Variants in BRINP1 observed in about 807,000 individuals in gnomAD.
The protein encoded by BRINP1 is BMP/retinoic acid-inducible neural-specific protein 1.
In BRINP1, 17 loss-of-function variants were observed where a neutral mutation model predicts 72.9. That is an observed-to-expected ratio of 0.23 (90% confidence interval 0.16 to 0.35). The LOEUF (loss-of-function observed/expected upper bound fraction) is 0.35. Ranked by LOEUF, BRINP1 falls within the 10% of genes least tolerant of loss-of-function variation. The probability of loss-of-function intolerance (pLI) is 1.00; values close to 1 mark genes in which losing one functional copy is unlikely to be tolerated. For missense variants in BRINP1, 850 were observed against 1,001.6 expected (o/e 0.85, Z 2.04); for synonymous variants, 418 against 378.5 (o/e 1.10, Z -1.21).
chr9:119,345,023 T>C (rs1393262848), intron 1 of BRINP1, among the ~76,000 whole-genome samples: 5 of 152,208 alleles, frequency 3.3e-5, no homozygotes, highest in Non-Finnish European at 7.3e-5. Context: ...AGAATGCATG[T>C]AACATCTTGA....
intron 5 of BRINP1, among the ~76,000 whole-genome samples, chr9:119,216,087 C>T (rs770839234): frequency 8.5e-5 from 13 of 152,088 alleles, no homozygotes; most frequent in African/African-American, 2.2e-4. Flanking sequence ...GATGTGATGA[C>T]GATGACGATA....
At chr9:119,326,101 T>C (rs1831237350) in intron 1 of BRINP1, among the ~76,000 whole-genome samples, 1 of 152,170 alleles carries the variant, frequency 6.6e-6, no homozygotes, top group South Asian at 2.1e-4. Flanking sequence ...CACAGAACAA[T>C]CCCATAAGAC....
intron 6 of BRINP1, among the ~76,000 whole-genome samples, chr9:119,211,031 G>T (rs2118873794): frequency 6.6e-6 from 1 of 152,264 alleles, no homozygotes; most frequent in East Asian, 1.9e-4. Flanking sequence ...GGGACAGCTA[G>T]ACTCTCCTCT....
At chr9:119,350,463 G>A (rs773305934) in intron 1 of BRINP1, among the ~76,000 whole-genome samples, 4 of 152,068 alleles carry the variant, frequency 2.6e-5, no homozygotes, top group African/African-American at 9.7e-5. Flanking sequence ...TTCTCCTACA[G>A]CTCATACAGT....
Position 119,300,047 on chromosome 9 carries a change from T to G in BRINP1, c.218+13091A>C, listed in dbSNP as rs528096580. ...CCACAGTACCGCCTTCCTCAGTGAT[T>G]CGTTTCACACCCCACTTCACAAAGA... On this transcript the variant is annotated intron_variant, in intron 2 of 7. Coordinates refer to ENST00000265922, the MANE Select transcript of BRINP1 (RefSeq NM_014618.3). 1.0e-3 allele frequency among the ~76,000 whole-genome samples: 152 copies of G among 152,306 alleles called. No homozygotes were observed. The East Asian group carries it at 0.026, about 27-fold the overall frequency.
At chr9:119,323,871 A>G (rs1463965437) in intron 1 of BRINP1, among the ~76,000 whole-genome samples, 1 of 152,192 alleles carries the variant, frequency 6.6e-6, no homozygotes, top group African/African-American at 2.4e-5. Flanking sequence ...TCCACTTTAA[A>G]TAAAATATTT....
At chr9:119,276,467 A>G (rs1026530605) in intron 2 of BRINP1, among the ~76,000 whole-genome samples, 14 of 152,334 alleles carry the variant, frequency 9.2e-5, no homozygotes, top group African/African-American at 3.1e-4. Flanking sequence ...TCTTTTAACA[A>G]AATCTCCTTA....
chr9:119,321,543 A>G (rs1208222208), intron 1 of BRINP1, among the ~76,000 whole-genome samples: 2 of 152,092 alleles, frequency 1.3e-5, no homozygotes, highest in East Asian at 1.9e-4. Context: ...CCCAGGCTGG[A>G]GTGCCGTGGC....
intron 1 of BRINP1, among the ~76,000 whole-genome samples, chr9:119,336,234 G>C (rs1021076111): frequency 1.3e-5 from 2 of 152,146 alleles, no homozygotes; most frequent in African/African-American, 2.4e-5. Context: ...ATCAAGGCTT[G>C]CCCAAGGTCC....
In BRINP1 at chr9:119,297,836, A is replaced by AT. The variant is rs56394431; in HGVS notation, c.218+15301_218+15302insA. ...TTTCTAATAATTAATAATAATAATA[A>AT]AATAATAACAAATGCAGGTTGAGCT... is the stretch of plus-strand genomic sequence containing the variant. On this transcript the variant is annotated intron_variant, in intron 2 of 7. Coordinates refer to ENST00000265922, the MANE Select transcript of BRINP1 (RefSeq NM_014618.3). Among the ~76,000 whole-genome samples, 173 of 151,628 alleles carry AT rather than the reference A, an allele frequency of 1.1e-3. 2 individuals carry two copies. Among genetic ancestry groups the AT allele is most frequent in the African/African-American group, 3.6e-3 (149 of 41,512 alleles).
intron 2 of BRINP1, among the ~76,000 whole-genome samples, chr9:119,278,275 C>G (rs563523737): frequency 7.9e-5 from 12 of 152,314 alleles, no homozygotes; most frequent in African/African-American, 2.9e-4. Context: ...CCCTGCCTCT[C>G]TCCCACAGCC....
At chr9:119,257,474 T>C (rs917401700) in intron 2 of BRINP1, among the ~76,000 whole-genome samples, 2 of 152,214 alleles carry the variant, frequency 1.3e-5, no homozygotes, top group Non-Finnish European at 2.9e-5. Context: ...ATAATGACAT[T>C]GAACCCCGAA....
intron 1 of BRINP1, among the ~76,000 whole-genome samples, chr9:119,315,968 G>C (rs1480410281): frequency 1.3e-5 from 2 of 152,194 alleles, no homozygotes; most frequent in Admixed American, 6.5e-5. Flanking sequence ...AAAGAAAGAA[G>C]CCATCTCTGT....
At chr9:119,181,596 T>C (rs902678931) in intron 7 of BRINP1, among the ~76,000 whole-genome samples, 2 of 152,212 alleles carry the variant, frequency 1.3e-5, no homozygotes, top group African/African-American at 4.8e-5. Context: ...CTAACCATGA[T>C]TGTTACTGAG....
At chr9:119,338,419 T>C (rs1461844282) in intron 1 of BRINP1, among the ~76,000 whole-genome samples, 1 of 151,970 alleles carries the variant, frequency 6.6e-6, no homozygotes, top group Admixed American at 6.6e-5. Context: ...TGGGTACTTG[T>C]TGAAAGATGC....
At chr9:119,238,071 T>G (rs1358454623) in intron 5 of BRINP1, among the ~76,000 whole-genome samples, 1 of 152,220 alleles carries the variant, frequency 6.6e-6, no homozygotes, top group African/African-American at 2.4e-5. Context: ...AAATTCTTTA[T>G]AAACATCAGT....
At position 119,184,084 on chromosome 9, in the gene BRINP1, G is replaced by A. The variant is rs372680220; in HGVS notation, c.1146-15860C>T. On this transcript the variant is annotated intron_variant, in intron 7 of 7. Coordinates refer to ENST00000265922, the MANE Select transcript of BRINP1 (RefSeq NM_014618.3). ...CAGGAAGCTACTTCCGAGCCACAGG[G>A]GGGGAGAAAAAAAGAAAAAACCAAA... Among the ~76,000 whole-genome samples, 10 of 152,212 alleles carry A rather than the reference G, an allele frequency of 6.6e-5. No individual in the cohort carries two copies. The South Asian group carries it at 2.1e-3, about 32-fold the overall frequency.
intron 1 of BRINP1, among the ~76,000 whole-genome samples, chr9:119,355,936 T>G (rs1831560228): frequency 6.6e-6 from 1 of 152,190 alleles, no homozygotes; most frequent in African/African-American, 2.4e-5. Context: ...GGACACTTTT[T>G]TTTTCCTCAA....
rs1161730044 is a variant in BRINP1, at chr9:119,167,981, T to G, written c.1389A>C (p.Pro463=). 6.2e-7 allele frequency: 1 copy of G among 1,614,202 alleles called. No individual in the cohort carries two copies. The highest frequency in any genetic ancestry group is 1.3e-5 in the African/African-American group (1 of 75,042). ...CGCTCCGCTCCGAGTCCACGTTCTG[T>G]GGTTCACAGCGGCCTCGATACAGCT... The part of the protein sequence containing the change: ...GYKLYRGRCE[P]QNVDSERSEQ... The change falls in exon 8 of 8, where the codon CCA becomes CCC. Residue 463 remains proline (P), a synonymous_variant. Transcript: ENST00000265922. This position sits in a 1 kb window ranked among gnomAD's most constrained non-coding sequence, Gnocchi z 4.3.
Sources: allele counts gnomAD v4.1 joint callset (sites outside exome capture counted in the v4.1 genomes callset), GRCh38; gene constraint gnomAD v4.1.1; non-coding constraint Gnocchi (gnomAD v3.1); transcripts MANE v1.5; gene names NCBI Gene and HGNC (gene_info 2026-07-23, HGNC 2026-07-21).